The following KLHL10 variants were observed in gnomAD, a reference collection of about 807,000 sequenced individuals.
The protein encoded by KLHL10 is kelch-like protein 10.
KLHL10 carries 11 observed loss-of-function variants against 46.6 expected under a neutral mutation model. The ratio of observed to expected loss-of-function variants is 0.24; its 90% CI spans 0.15 to 0.39. The LOEUF (loss-of-function observed/expected upper bound fraction) is 0.39, where lower values mean the gene tolerates loss of function less well. KLHL10 is among the 10% of genes least tolerant of loss of function. The pLI is 1.00. For synonymous variants in KLHL10, 254 were observed against 279.1 expected, an observed-to-expected ratio of 0.91 and a Z score of 0.90; for missense variants, 475 against 789.8, an observed-to-expected ratio of 0.60 and a Z score of 4.78.
Position 41,847,379 on chromosome 17 carries a change from G to C in KLHL10, c.1421G>C (p.Gly474Ala), listed in dbSNP as rs781925101. The change falls in exon 4 of 5, where the codon GGC (glycine) becomes GCC (alanine). Residue 474 changes from glycine to alanine, a missense_variant. Transcript: ENST00000293303. The part of the protein sequence containing the change: ...APMRSRRSGI[G>A]VIAYGEHVYA... ...ATGAGAAGCAGGAGGAGTGGAATAGGCGTGATTGCTTATGGAGAACATGTA... is the reference window on the plus strand; with the variant it reads ...ATGAGAAGCAGGAGGAGTGGAATAGCCGTGATTGCTTATGGAGAACATGTA... The C allele has an allele frequency of 6.2e-7, 1 of 1,614,092 alleles. No homozygotes were observed. The highest frequency in any genetic ancestry group is 8.5e-7 in the Non-Finnish European group (1 of 1,180,008).
chr17:41,838,935 C>T (rs1391105961), intron 1 of KLHL10, among the ~76,000 whole-genome samples: 5 of 151,824 alleles, frequency 3.3e-5, no homozygotes, highest in Admixed American at 6.6e-5. Context: ...GTGATCTGCC[C>T]GTCTTGACCT....
At chr17:41,835,936 T>C (rs1555619898), upstream of KLHL10, 5 of 1,598,614 alleles carry the variant, frequency 3.1e-6, no homozygotes, top group African/African-American at 6.7e-5. Flanking sequence ...ATCAGGACCG[T>C]GGCCTTCATC....
At chr17:41,835,899 A>G, upstream of KLHL10, 1 of 1,609,026 alleles carries the variant, frequency 6.2e-7, no homozygotes, top group Non-Finnish European at 8.5e-7. Context: ...GGCGCCCACG[A>G]TCTCCTGCAC....
rs1204134487 is a variant in KLHL10, at chr17:41,848,003, G to A, written c.1523G>A (p.Arg508His). 9 of 1,614,064 alleles carry A rather than the reference G, an allele frequency of 5.6e-6. No individual in the cohort carries two copies. Among genetic ancestry groups the A allele is most frequent in the East Asian group, 4.5e-5 (2 of 44,896 alleles). ...TACAGCCCTGTGGCTAACACTTGGC[G>A]CACAATCCCCACTATGTTTAATCCT... ...EAYSPVANTW[R>H]TIPTMFNPRS... The change falls in exon 5 of 5, where the codon CGC becomes CAC. Residue 508 changes from arginine (R) to histidine (H), a missense_variant. Transcript: ENST00000293303.
chr17:41,842,582 C>T (rs984013768), intron 2 of KLHL10, among the ~76,000 whole-genome samples: 3 of 151,938 alleles, frequency 2.0e-5, no homozygotes, highest in Admixed American at 1.3e-4. Flanking sequence ...TTTGGGAGGC[C>T]GAGGTGGAGA....
chr17:41,837,447 C>A (rs546573842), upstream of KLHL10: 56 of 581,550 alleles, frequency 9.6e-5, no homozygotes, highest in South Asian at 2.1e-4. Context: ...CCACTGCGCC[C>A]GGCCTAAGAA....
intron 3 of KLHL10, 163 bp downstream of exon 3, chr17:41,845,906 G>A: frequency 3.2e-6 from 3 of 950,112 alleles, no homozygotes; most frequent in South Asian, 3.0e-5. Context: ...TGTCTTTTAT[G>A]TTGTTTATTG....
chr17:41,837,230 T>C (rs1555620186), upstream of KLHL10, among the ~76,000 whole-genome samples: 1 of 152,182 alleles, frequency 6.6e-6, no homozygotes, highest in African/African-American at 2.4e-5. Context: ...AGTGGAGCGA[T>C]CTCGGCTCAC....
chr17:41,843,112 C>T (rs529776463), intron 2 of KLHL10, among the ~76,000 whole-genome samples: 23 of 146,374 alleles, frequency 1.6e-4, no homozygotes, highest in East Asian at 4.0e-4. Flanking sequence ...GGCAATACAG[C>T]GAGACCCTGT....
upstream of KLHL10, among the ~76,000 whole-genome samples, chr17:41,836,757 T>C (rs2048165977): frequency 6.6e-6 from 1 of 152,086 alleles, no homozygotes; most frequent in Middle Eastern, 3.4e-3. Context: ...GCCCGGGAGA[T>C]CCAGGCTCCA....
At chr17:41,836,187 C>T (rs1248350491), upstream of KLHL10, 2 of 1,261,124 alleles carry the variant, frequency 1.6e-6, no homozygotes, top group Non-Finnish European at 2.0e-6. Flanking sequence ...CTCACCTCCT[C>T]TGCCATCCCG....
chr17:41,843,782 G>C (rs1167088804), intron 2 of KLHL10, among the ~76,000 whole-genome samples: 1 of 151,856 alleles, frequency 6.6e-6, no homozygotes, highest in Non-Finnish European at 1.5e-5. Flanking sequence ...TATTTATTTT[G>C]AGAAGGAGTC....
At chr17:41,845,026 T>G (rs2048269767) in intron 2 of KLHL10, 100 bp from the exon 3 acceptor site, 2 of 1,444,306 alleles carry the variant, frequency 1.4e-6, no homozygotes, top group Non-Finnish European at 1.9e-6. Flanking sequence ...ACCAAAATAT[T>G]TCCAGCAATT....
rs1555620323 is a variant in KLHL10, at chr17:41,837,911, C to G, written c.-22C>G. 9 of 1,613,004 alleles carry G rather than the reference C, an allele frequency of 5.6e-6. No homozygotes were observed. The highest frequency in any genetic ancestry group is 7.6e-6 in the Non-Finnish European group (9 of 1,179,940). On this transcript the variant is annotated 5_prime_UTR_variant, in exon 1 of 5. Transcript: ENST00000293303. ...CCCCGACACCCTAGGAAAGCAGCCT[C>G]TCTCCGCTGTCCCAGGGTGCCATGG...
chr17:41,838,467 G>A (rs1555620428), intron 1 of KLHL10, among the ~76,000 whole-genome samples: 2 of 151,740 alleles, frequency 1.3e-5, no homozygotes, highest in African/African-American at 4.8e-5. Context: ...TCGCTATGTT[G>A]CCCAGGCTGG....
At chr17:41,840,345 A>G (rs2048214083) in intron 1 of KLHL10, among the ~76,000 whole-genome samples, 1 of 151,774 alleles carries the variant, frequency 6.6e-6, no homozygotes, top group South Asian at 2.1e-4. Flanking sequence ...TTTTCCCCCA[A>G]CCAGCGGGGC....
chr17:41,836,189 G>T, upstream of KLHL10: 4 of 1,259,534 alleles, frequency 3.2e-6, no homozygotes, highest in Non-Finnish European at 4.0e-6. Context: ...CACCTCCTCT[G>T]CCATCCCGTT....
chr17:41,848,223 T>C lies in KLHL10; in HGVS notation c.1743T>C (p.Tyr581=), dbSNP rs782505679. The C allele has an allele frequency of 3.1e-6, 5 of 1,614,004 alleles. No homozygotes were observed. Among genetic ancestry groups the C allele is most frequent in the South Asian group, 1.1e-5 (1 of 91,088 alleles). The part of the protein sequence containing the change: ...VVPGLANVEE[Y]AARRDNFPGL... ...CAGGGCTGGCCAATGTTGAGGAATA[T>C]GCAGCTAGACGGGACAACTTCCCAG... Residue 581 remains tyrosine, a synonymous_variant, in exon 5 of 5, where the codon TAT becomes TAC. Transcript: ENST00000293303.
upstream of KLHL10, chr17:41,835,965 G>A (rs537090104): frequency 2.5e-6 from 4 of 1,570,180 alleles, no homozygotes; most frequent in East Asian, 7.1e-5. Flanking sequence ...CACCTGTCCC[G>A]AGACCCGAGA....
Sources: gnomAD v4.1 joint callset for allele counts (sites outside exome capture counted in the v4.1 genomes callset) on GRCh38, gnomAD v4.1.1 for gene constraint, MANE v1.5 for transcripts, NCBI Gene and HGNC (gene_info 2026-07-23, HGNC 2026-07-21) for gene names.